TRAPPC6A: variants seen among roughly 807,000 people sequenced by gnomAD.
The protein encoded by TRAPPC6A is trafficking protein particle complex subunit 6A, also known as TRAPP complex subunit 6A.
In TRAPPC6A, 25 loss-of-function variants were observed where a neutral mutation model predicts 20.8. The ratio of observed to expected loss-of-function variants is 1.20; its 90% CI spans 0.88 to 1.68. The LOEUF (loss-of-function observed/expected upper bound fraction) is 1.68, where lower values mean the gene tolerates loss of function less well. Among genes scored for constraint, TRAPPC6A ranks in the 40% most tolerant of loss-of-function variants. TRAPPC6A has a pLI of 0.00. For synonymous variants in TRAPPC6A, 96 were observed against 93.3 expected, an observed-to-expected ratio of 1.03 and a Z score of -0.16; for missense variants, 215 against 211.6, an observed-to-expected ratio of 1.02 and a Z score of -0.10.
rs1411240545 is a variant in TRAPPC6A at position 45,172,036 on chromosome 19, TCTC to T, written c.84+6096_84+6098del. 2.0e-5 allele frequency among the ~76,000 whole-genome samples: 3 copies of T among 151,680 alleles called. No homozygotes were observed. Among genetic ancestry groups the T allele is most frequent in the Non-Finnish European group, 4.4e-5 (3 of 67,894 alleles). ...GCCACGGCTGCTTCCTCCAAGGGCT[TCTC>T]CTCCTTAGAGAACAAAGGCCTTCCT... On this transcript the variant is annotated intron_variant, in intron 1 of 5. Transcript: ENST00000585934. The surrounding 1 kb of genome is among the most constrained non-coding windows in gnomAD (Gnocchi z 4.2).
intron 1 of TRAPPC6A, 116 bp from the exon 2 acceptor site, chr19:45,165,310 G>A: frequency 1.0e-6 from 1 of 986,600 alleles, no homozygotes. Flanking sequence ...CGTCAGTTCA[G>A]GGGTGAGCAG....
intron 1 of TRAPPC6A, among the ~76,000 whole-genome samples, chr19:45,166,986 CCT>C (rs992243371): frequency 3.3e-5 from 5 of 152,184 alleles, no homozygotes; most frequent in Non-Finnish European, 1.5e-5. Context: ...TCCTCTGCCC[CCT>C]GAGGACATTC....
chr19:45,178,210 A>T lies in TRAPPC6A; in HGVS notation c.9T>A (p.Asp3Glu), dbSNP rs1052347100. MA[D>E]TVLFEFLHTE... ...TGTGAAGAAACTCAAACAACACAGT[A>T]TCCGCCATGCCCCCTCCTCGCACGC... Residue 3 changes from aspartate to glutamate, a missense_variant, in exon 1 of 6, where the codon GAT becomes GAA. Coordinates refer to ENST00000585934, the MANE Select transcript of TRAPPC6A (RefSeq NM_001270891.2). 14 of 1,605,168 alleles carry T rather than the reference A, an allele frequency of 8.7e-6. No homozygotes were observed. Among genetic ancestry groups the T allele is most frequent in the Non-Finnish European group, 1.2e-5 (14 of 1,173,612 alleles).
Position 45,163,123 on chromosome 19 carries a change from C to A in TRAPPC6A, c.*69G>T. The stretch of plus-strand genomic sequence containing the variant: ...TTCCCAAGACCACCCCGAAATGCAG[C>A]GGCCCCACCGTCTCCTGAGGCCGGT... On this transcript the variant is annotated 3_prime_UTR_variant, in exon 6 of 6. Coordinates refer to ENST00000585934, the MANE Select transcript of TRAPPC6A (RefSeq NM_001270891.2). The surrounding 1 kb of genome is among the most constrained non-coding windows in gnomAD (Gnocchi z 5.3). 1 of 1,580,650 alleles carries A rather than the reference C, an allele frequency of 6.3e-7. No individual in the cohort carries two copies. Among genetic ancestry groups the A allele is most frequent in the Non-Finnish European group, 8.7e-7 (1 of 1,152,856 alleles).
rs1373697942 is a variant in TRAPPC6A, at chr19:45,173,412, C to T, written c.84+4723G>A. 6.6e-6 allele frequency among the ~76,000 whole-genome samples: 1 copy of T among 152,108 alleles called. No individual in the cohort carries two copies. Among genetic ancestry groups the T allele is most frequent in the African/African-American group, 2.4e-5 (1 of 41,428 alleles). On this transcript the variant is annotated intron_variant, in intron 1 of 5. Transcript: ENST00000585934. This position sits in a 1 kb window ranked among gnomAD's most constrained non-coding sequence, Gnocchi z 4.8. The stretch of plus-strand genomic sequence containing the variant: ...TGCTGTGGGGACAGAGATGAAGGAG[C>T]CACCATCCCTGTCCTCAAGGAGCTC...
At chr19:45,177,191 G>GCGCA (rs61484972) in intron 1 of TRAPPC6A, among the ~76,000 whole-genome samples, 148 of 147,996 alleles carry the variant, frequency 1.0e-3, no homozygotes, top group African/African-American at 1.9e-3. Context: ...GCGCGTGCGC[G>GCGCA]CACACACACA....
chr19:45,163,254 G>A lies in TRAPPC6A; in HGVS notation c.449-31C>T. ...AGAGAAGGCCTGGCTTAGGCTTGAG[G>A]ATGGGATGGGGGAGGCAGAGGGCAC... is the stretch of plus-strand genomic sequence containing the variant. On this transcript the variant is annotated intron_variant, in intron 5 of 5. Coordinates refer to ENST00000585934, the MANE Select transcript of TRAPPC6A (RefSeq NM_001270891.2). The surrounding 1 kb of genome is among the most constrained non-coding windows in gnomAD (Gnocchi z 5.3). The A allele has an allele frequency of 6.2e-7, 1 of 1,613,366 alleles. No homozygotes were observed. Among genetic ancestry groups the A allele is most frequent in the Non-Finnish European group, 8.5e-7 (1 of 1,179,584 alleles).
intron 1 of TRAPPC6A, among the ~76,000 whole-genome samples, chr19:45,166,585 G>T (rs146855262): frequency 6.6e-5 from 10 of 151,880 alleles, no homozygotes; most frequent in Non-Finnish European, 1.5e-4. Context: ...AGACTGGGGG[G>T]CACCAGAAAT....
chr19:45,176,761 C>T (rs144840816), intron 1 of TRAPPC6A, among the ~76,000 whole-genome samples: 1,888 of 151,972 alleles, frequency 0.012, 42 homozygotes, highest in African/African-American at 0.042. Context: ...TGGCCAGGTG[C>T]GGTGGCTCAC....
At position 45,163,019 on chromosome 19, in the gene TRAPPC6A, GAC is replaced by G; in HGVS notation, c.*171_*172del. On this transcript the variant is annotated 3_prime_UTR_variant, in exon 6 of 6. Transcript: ENST00000585934. The surrounding 1 kb of genome is among the most constrained non-coding windows in gnomAD (Gnocchi z 5.3). ...CCACCACAGTCCTGACCGCAGCTGGGACCCCTTTGCCTCCTCTGACACCCCCA... is the reference window on the plus strand; with the variant it reads ...CCACCACAGTCCTGACCGCAGCTGGGCCCTTTGCCTCCTCTGACACCCCCA... The G allele has an allele frequency of 6.1e-6, 4 of 652,862 alleles. No homozygotes were observed. Among genetic ancestry groups the G allele is most frequent in the Admixed American group, 3.0e-5 (1 of 33,694 alleles). 40.4% of individuals were successfully genotyped at this position (652,862 alleles called of 1,614,324 possible). A position where few individuals can be genotyped will look rare whatever the true frequency, so the allele number is the denominator to read the frequency against.
At chr19:45,178,098 T>A (rs779104175) in intron 1 of TRAPPC6A, 37 bp downstream of exon 1, 2 of 1,612,488 alleles carry the variant, frequency 1.2e-6, no homozygotes, top group South Asian at 2.2e-5. Context: ...GTTACCTTGG[T>A]GGCCCCCGCT....
At position 45,173,887 on chromosome 19, in the gene TRAPPC6A, C is replaced by T. The variant is rs765568620; in HGVS notation, c.84+4248G>A. ...ACTCAGGCCTCACCCCAACCGGGTT[C>T]GTCAGAGTCTCTGGTGTGGGACTCC... On this transcript the variant is annotated intron_variant, in intron 1 of 5. Transcript: ENST00000585934. This position sits in a 1 kb window ranked among gnomAD's most constrained non-coding sequence, Gnocchi z 4.8. Among the ~76,000 whole-genome samples the T allele has an allele frequency of 2.6e-5, 4 of 152,148 alleles. No individual in the cohort carries two copies. The highest frequency in any genetic ancestry group is 7.2e-5 in the African/African-American group (3 of 41,428).
At chr19:45,164,590 T>C in intron 3 of TRAPPC6A, 1 of 581,958 alleles carries the variant, frequency 1.7e-6, no homozygotes, top group Non-Finnish European at 3.1e-6. Flanking sequence ...ACACTGGGGG[T>C]AGGGCAGGCA....
intron 3 of TRAPPC6A, 139 bp downstream of exon 3, chr19:45,164,714 G>A (rs888432747): frequency 6.4e-6 from 5 of 786,094 alleles, no homozygotes; most frequent in Non-Finnish European, 8.7e-6. Context: ...GGATCAGACA[G>A]AGCAAGAGCT....
Position 45,163,897 on chromosome 19 carries a change from C to A in TRAPPC6A, c.448+19G>T. ...CAACTCAAGGGATGAGAAGAATCCC[C>A]CCACCCCCCATGACTCACAGACGGG... On this transcript the variant is annotated intron_variant, in intron 5 of 5. Coordinates refer to ENST00000585934, the MANE Select transcript of TRAPPC6A (RefSeq NM_001270891.2). The surrounding 1 kb of genome is among the most constrained non-coding windows in gnomAD (Gnocchi z 5.3). 1 of 1,555,294 alleles carries A rather than the reference C, an allele frequency of 6.4e-7. No individual in the cohort carries two copies. The highest frequency in any genetic ancestry group is 2.4e-5 in the East Asian group (1 of 42,484).
intron 1 of TRAPPC6A, among the ~76,000 whole-genome samples, chr19:45,165,581 G>A (rs927991214): frequency 6.6e-6 from 1 of 152,250 alleles, no homozygotes; most frequent in African/African-American, 2.4e-5. Context: ...AGTGGGCGCT[G>A]CGACTCCACC....
rs1969436045 is a variant in TRAPPC6A, at chr19:45,178,122, GCCCGGCGCTCACC to G, written c.84_84+12del. 1.2e-6 allele frequency: 2 copies of G among 1,613,188 alleles called. No individual in the cohort carries two copies. Among genetic ancestry groups the G allele is most frequent in the Non-Finnish European group, 1.7e-6 (2 of 1,179,498 alleles). On this transcript the variant is annotated splice_donor_variant and splice_donor_5th_base_variant and coding_sequence_variant and intron_variant, in exon 1 of 6. Transcript: ENST00000585934. LOFTEE classifies it high-confidence loss of function. ...GTGGCCCCCGCTTCCTCCCCACGGA[GCCCGGCGCTCACC>G]CCCGGGCCGGGGTCGGGGTCGTGAG...
In TRAPPC6A at chr19:45,173,060, C is replaced by A. The variant is rs57627123; in HGVS notation, c.84+5075G>T. 6.6e-6 allele frequency among the ~76,000 whole-genome samples: 1 copy of A among 151,494 alleles called. No homozygotes were observed. Among genetic ancestry groups the A allele is most frequent in the Non-Finnish European group, 1.5e-5 (1 of 68,026 alleles). ...CGGGGTGTGGTGGATGGAGGCCTGG[C>A]GCAGCAGGGCTATTCTCGGGGCGCC... On this transcript the variant is annotated intron_variant, in intron 1 of 5. Coordinates refer to ENST00000585934, the MANE Select transcript of TRAPPC6A (RefSeq NM_001270891.2). This position sits in a 1 kb window ranked among gnomAD's most constrained non-coding sequence, Gnocchi z 4.8.
intron 1 of TRAPPC6A, among the ~76,000 whole-genome samples, chr19:45,174,397 G>A (rs1488656162): frequency 5.3e-5 from 8 of 151,954 alleles, no homozygotes; most frequent in South Asian, 2.1e-4. Flanking sequence ...TCCTCAACAC[G>A]TCCACACTGA....
Sources: gnomAD v4.1 joint callset for allele counts (sites outside exome capture counted in the v4.1 genomes callset) on GRCh38, gnomAD v4.1.1 for gene constraint, Gnocchi (gnomAD v3.1) non-coding constraint, MANE v1.5 for transcripts, NCBI Gene and HGNC (gene_info 2026-07-23, HGNC 2026-07-21) for gene names.